OR11G2: variants seen among roughly 807,000 people sequenced by gnomAD.
The protein encoded by OR11G2 is olfactory receptor 11G2.
A neutral mutation model predicts 0.9 loss-of-function variants in OR11G2; 2 were observed. The ratio of observed to expected loss-of-function variants is 2.35; its 90% CI spans 0.96 to 7.38. The LOEUF is 7.38. OR11G2 is among the 30% of genes most tolerant of loss of function. The pLI, the probability that OR11G2 is intolerant of heterozygous loss-of-function variation, is 0.05. For missense variants in OR11G2, 395 were observed against 371.3 expected, an observed-to-expected ratio of 1.06 and a Z score of -0.52; for synonymous variants, 153 against 142.0, an observed-to-expected ratio of 1.08 and a Z score of -0.55.
At chr14:20,195,033 A>C (rs955741989) in intron 1 of OR11G2, among the ~76,000 whole-genome samples, 6 of 152,218 alleles carry the variant, frequency 3.9e-5, no homozygotes, top group Non-Finnish European at 7.3e-5. Flanking sequence ...AGCAGAAAAG[A>C]AAAAACTTAT....
At position 20,199,961 on chromosome 14, in the gene OR11G2, T is replaced by C. The variant is rs1190930103; in HGVS notation, c.*1588T>C. 1 of 152,070 alleles carries C rather than the reference T, an allele frequency of 6.6e-6. No individual in the cohort carries two copies. Among genetic ancestry groups the C allele is most frequent in the Non-Finnish European group, 1.5e-5 (1 of 68,014 alleles). 9.4% of individuals were successfully genotyped at this position (152,070 alleles called of 1,614,324 possible). ...TTTAATGGAAGGCACCCAGTAATTGTAGATCAGTAAAAATAGTCACCCAGA... is the reference window on the plus strand; with the variant it reads ...TTTAATGGAAGGCACCCAGTAATTGCAGATCAGTAAAAATAGTCACCCAGA... On this transcript the variant is annotated 3_prime_UTR_variant, in exon 2 of 2. Coordinates refer to ENST00000641879, the MANE Select transcript of OR11G2 (RefSeq NM_001386033.1).
At chr14:20,196,201 T>C (rs768652817) in intron 1 of OR11G2, among the ~76,000 whole-genome samples, 5 of 152,222 alleles carry the variant, frequency 3.3e-5, no homozygotes, top group Admixed American at 1.3e-4. Context: ...TTATCCTGTT[T>C]CTATGCAAAT....
chr14:20,197,944 A>C lies in OR11G2; in HGVS notation c.507A>C (p.Gln169His). The C allele has an allele frequency of 6.2e-7, 1 of 1,613,884 alleles. No individual in the cohort carries two copies. The highest frequency in any genetic ancestry group is 8.5e-7 in the Non-Finnish European group (1 of 1,179,958). ...WFLIPIVNIS[Q>H]MSFCGSRIID... ...TGATTCCTATCGTCAACATCTCCCA[A>C]ATGTCCTTCTGTGGATCTAGGATTA... is the stretch of plus-strand genomic sequence containing the variant. The change falls in exon 2 of 2, where the codon CAA becomes CAC. Residue 169 changes from glutamine (Q) to histidine (H), a missense_variant. Coordinates refer to ENST00000641879, the MANE Select transcript of OR11G2 (RefSeq NM_001386033.1).
chr14:20,195,929 TACATAGCATCTC>T (rs1281030721), intron 1 of OR11G2, among the ~76,000 whole-genome samples: 1 of 152,158 alleles, frequency 6.6e-6, no homozygotes, highest in Non-Finnish European at 1.5e-5. Flanking sequence ...AAGTTAGGCT[TACATAGCATCTC>T]AGCTAAAGAA....
intron 1 of OR11G2, among the ~76,000 whole-genome samples, chr14:20,194,857 T>C (rs1301848343): frequency 2.6e-5 from 4 of 152,212 alleles, no homozygotes; most frequent in Admixed American, 1.3e-4. Flanking sequence ...TAGAAATGAC[T>C]AAATGCTTAA....
chr14:20,192,128 G>T (rs1409537827), intron 1 of OR11G2, among the ~76,000 whole-genome samples: 1 of 152,010 alleles, frequency 6.6e-6, no homozygotes, highest in African/African-American at 2.4e-5. Flanking sequence ...CCCGACCTCA[G>T]GTGATCTCCT....
rs1879830884 is a variant in OR11G2 at position 20,198,530 on chromosome 14, C to T, written c.*157C>T. On this transcript the variant is annotated 3_prime_UTR_variant, in exon 2 of 2. Coordinates refer to ENST00000641879, the MANE Select transcript of OR11G2 (RefSeq NM_001386033.1). ...GATCACGAGGTCAGGAGATCAAGAC[C>T]ACCCTGGCTAACACGGTGAAACCCT... 6 of 554,832 alleles carry T rather than the reference C, an allele frequency of 1.1e-5. No homozygotes were observed. Among genetic ancestry groups the T allele is most frequent in the Non-Finnish European group, 1.9e-5 (6 of 314,756 alleles). The allele number at this position is 554,832 out of a possible 1,614,324, so 34.4% of individuals were successfully genotyped here. A position where few individuals can be genotyped will look rare whatever the true frequency, so the allele number is the denominator to read the frequency against.
chr14:20,194,795 G>T (rs890063307), intron 1 of OR11G2, among the ~76,000 whole-genome samples: 1 of 152,076 alleles, frequency 6.6e-6, no homozygotes, highest in Admixed American at 6.5e-5. Flanking sequence ...TGAATGGCTC[G>T]TGTGAAGCTA....
intron 1 of OR11G2, among the ~76,000 whole-genome samples, chr14:20,193,200 C>A (rs564497157): frequency 6.6e-6 from 1 of 152,300 alleles, no homozygotes; most frequent in East Asian, 1.9e-4. Context: ...TCACTGCAAC[C>A]TCTGCCTCCT....
chr14:20,196,311 G>C (rs564840846), intron 1 of OR11G2, among the ~76,000 whole-genome samples: 38 of 152,334 alleles, frequency 2.5e-4, no homozygotes, highest in African/African-American at 8.9e-4. Context: ...AGGGGCAGCA[G>C]ATTCTGCTAC....
chr14:20,196,218 G>A (rs1244681161), intron 1 of OR11G2, among the ~76,000 whole-genome samples: 1 of 152,142 alleles, frequency 6.6e-6, no homozygotes, highest in Admixed American at 6.5e-5. Context: ...AAATAATAGG[G>A]GGAAGACAGA....
chr14:20,200,987 G>T lies in OR11G2; in HGVS notation c.*2614G>T, dbSNP rs560077488. 3.3e-5 allele frequency: 5 copies of T among 152,214 alleles called. No individual in the cohort carries two copies. In the East Asian group the frequency reaches 7.7e-4, roughly 24 times the overall value. The allele number at this position is 152,214 out of a possible 1,614,324, so 9.4% of individuals were successfully genotyped here. A position where few individuals can be genotyped will look rare whatever the true frequency, so the allele number is the denominator to read the frequency against. ...TAACAATGGTTGCTTCAGGCAAGAA[G>T]AATTTTGTGTCTAAGGAACAAGATA... On this transcript the variant is annotated 3_prime_UTR_variant, in exon 2 of 2. Coordinates refer to ENST00000641879, the MANE Select transcript of OR11G2 (RefSeq NM_001386033.1).
rs760296116 is a variant in OR11G2, at chr14:20,197,525, C to G, written c.88C>G (p.Leu30Val). 1.2e-6 allele frequency: 2 copies of G among 1,614,086 alleles called. No homozygotes were observed. Among genetic ancestry groups the G allele is most frequent in the East Asian group, 4.5e-5 (2 of 44,880 alleles). The change falls in exon 2 of 2, where the codon CTC (leucine) becomes GTC (valine). Residue 30 changes from leucine to valine, a missense_variant. Physicochemically the swap from Leu to Val is conservative, Grantham distance 32. Coordinates refer to ENST00000641879, the MANE Select transcript of OR11G2 (RefSeq NM_001386033.1). The part of the protein sequence containing the change: ...GFPCPREGQI[L>V]LFVLFTVVYL... The stretch of plus-strand genomic sequence containing the variant: ...CCCTTGCCCCAGGGAGGGGCAGATC[C>G]TCCTCTTTGTGCTCTTCACTGTTGT...
intron 1 of OR11G2, 174 bp from the exon 2 acceptor site, chr14:20,197,260 T>C: frequency 2.3e-6 from 2 of 853,582 alleles, no homozygotes; most frequent in Non-Finnish European, 3.6e-6. Context: ...ATACGTCAGT[T>C]TAAAAGAAAA....
At chr14:20,191,962 G>A (rs369961455) in intron 1 of OR11G2, among the ~76,000 whole-genome samples, 9 of 149,284 alleles carry the variant, frequency 6.0e-5, no homozygotes, top group South Asian at 2.1e-4. Flanking sequence ...GCACGATCAC[G>A]GCTCACCACA....
rs144948652 is a variant in OR11G2, at chr14:20,197,713, C to T, written c.276C>T (p.Asp92=). Residue 92 remains aspartate, a synonymous_variant, in exon 2 of 2, where the codon GAC becomes GAT. Transcript: ENST00000641879. ...GCATGCTGGCCAACTTCCTCTCTGA[C>T]ACCAAGATCATCTCGTTCTCTGGCT... ...VPSMLANFLS[D]TKIISFSGCF... is the part of the protein sequence containing the mutation. The T allele has an allele frequency of 9.1e-5, 147 of 1,613,858 alleles. No homozygotes were observed. Among genetic ancestry groups the T allele is most frequent in the Non-Finnish European group, 1.7e-5 (20 of 1,179,906 alleles).
Position 20,196,149 on chromosome 14 carries a change from G to A in OR11G2, c.-4-1285G>A, listed in dbSNP as rs188504531. Among the ~76,000 whole-genome samples, 380 of 152,276 alleles carry A rather than the reference G, an allele frequency of 2.5e-3. 2 individuals are homozygous for A. Among genetic ancestry groups the A allele is most frequent in the African/African-American group, 8.7e-3 (361 of 41,558 alleles). ...CAGTTGTCTCTGGTAATTTTACCTC[G>A]TCCTCCCTGGTAGAGAGGAGAGGAA... On this transcript the variant is annotated intron_variant, in intron 1 of 1. Transcript: ENST00000641879.
intron 1 of OR11G2, among the ~76,000 whole-genome samples, chr14:20,194,374 G>A (rs770527311): frequency 1.3e-5 from 2 of 152,162 alleles, no homozygotes; most frequent in Non-Finnish European, 2.9e-5. Context: ...ATGGGGAGAA[G>A]TGAGCAGACA....
At position 20,199,412 on chromosome 14, in the gene OR11G2, A is replaced by G. The variant is rs1385881251; in HGVS notation, c.*1039A>G. On this transcript the variant is annotated 3_prime_UTR_variant, in exon 2 of 2. Coordinates refer to ENST00000641879, the MANE Select transcript of OR11G2 (RefSeq NM_001386033.1). Reference sequence around the variant, plus strand: ...TCAGTAAAACTACTGCTTTCTGCTCAGTCCTTATTCCTCCTTTCCTCATAC... The same window carrying G: ...TCAGTAAAACTACTGCTTTCTGCTCGGTCCTTATTCCTCCTTTCCTCATAC... The G allele has an allele frequency of 6.6e-6, 1 of 152,204 alleles. No homozygotes were observed. The highest frequency in any genetic ancestry group is 1.5e-5 in the Non-Finnish European group (1 of 68,048). The allele number at this position is 152,204 out of a possible 1,614,324, so 9.4% of individuals were successfully genotyped here.
Sources: allele counts gnomAD v4.1 joint callset (sites outside exome capture counted in the v4.1 genomes callset), GRCh38; gene constraint gnomAD v4.1.1; transcripts MANE v1.5; gene names NCBI Gene and HGNC (gene_info 2026-07-23, HGNC 2026-07-21).